The following ITPK1 variants were observed in gnomAD, a reference collection of about 807,000 sequenced individuals.
The protein encoded by ITPK1 is inositol 1,3,4-trisphosphate 5/6-kinase.
In ITPK1, 21 loss-of-function variants were observed where a neutral mutation model predicts 45.3. The observed-to-expected ratio is 0.46, with a 90% confidence interval of 0.33 to 0.67. The LOEUF (loss-of-function observed/expected upper bound fraction) is 0.67, where lower values mean the gene tolerates loss of function less well. Among genes scored for constraint, ITPK1 ranks in the 30% least tolerant of loss-of-function variants. The pLI is 0.02. For synonymous variants in ITPK1, 258 were observed against 253.6 expected (o/e 1.02, Z -0.16); for missense variants, 474 against 573.5 (o/e 0.83, Z 1.77).
chr14:92,952,696 C>T (rs1332305660), intron 8 of ITPK1, among the ~76,000 whole-genome samples: 2 of 152,224 alleles, frequency 1.3e-5, no homozygotes, highest in African/African-American at 4.8e-5. Flanking sequence ...ACACCCGGCC[C>T]GTACAGGCCC....
intron 9 of ITPK1, among the ~76,000 whole-genome samples, chr14:92,946,894 G>T (rs1887717955): frequency 6.6e-6 from 1 of 152,258 alleles, no homozygotes; most frequent in South Asian, 2.1e-4. Flanking sequence ...GATGGAGAGT[G>T]TGTCAGGGAC....
At chr14:93,047,419 T>C (rs1889822963) in intron 3 of ITPK1, among the ~76,000 whole-genome samples, 1 of 152,240 alleles carries the variant, frequency 6.6e-6, no homozygotes, top group African/African-American at 2.4e-5. Flanking sequence ...TTTGCAGATA[T>C]AATCAAATTA....
intron 2 of ITPK1, among the ~76,000 whole-genome samples, chr14:93,087,493 C>T (rs1891695268): frequency 6.6e-6 from 1 of 152,218 alleles, no homozygotes; most frequent in Non-Finnish European, 1.5e-5. Flanking sequence ...CCACTGCACT[C>T]CAGCCTGGGT....
chr14:93,092,064 A>G (rs1297917546), intron 2 of ITPK1, among the ~76,000 whole-genome samples: 1 of 152,220 alleles, frequency 6.6e-6, no homozygotes, highest in African/African-American at 2.4e-5. Context: ...TACACAGAAG[A>G]GAGCCCAAGA....
chr14:93,099,640 G>A (rs1418651778), intron 2 of ITPK1, among the ~76,000 whole-genome samples: 1 of 152,184 alleles, frequency 6.6e-6, no homozygotes, highest in African/African-American at 2.4e-5. Flanking sequence ...GCCAGATTCA[G>A]GTTTAACTGA....
intron 4 of ITPK1, among the ~76,000 whole-genome samples, chr14:93,001,108 C>G (rs907013524): frequency 6.7e-6 from 1 of 150,334 alleles, no homozygotes; most frequent in Non-Finnish European, 1.5e-5. Context: ...GCCTGGCCAA[C>G]ATGGTGAAAC....
intron 5 of ITPK1, among the ~76,000 whole-genome samples, chr14:92,969,971 G>C (rs968973534): frequency 6.6e-6 from 1 of 152,136 alleles, no homozygotes; most frequent in African/African-American, 2.4e-5. Flanking sequence ...GCTTCCACAA[G>C]TCCAGAAAGG....
chr14:92,947,330 T>C (rs1227150569), intron 9 of ITPK1, among the ~76,000 whole-genome samples: 2 of 152,170 alleles, frequency 1.3e-5, no homozygotes, highest in African/African-American at 4.8e-5. Flanking sequence ...TGCTCTGTTC[T>C]CCCTCCCAGC....
chr14:93,087,578 C>T (rs1466781787), intron 2 of ITPK1, among the ~76,000 whole-genome samples: 4 of 152,174 alleles, frequency 2.6e-5, no homozygotes, highest in African/African-American at 4.8e-5. Flanking sequence ...ACCCTTTTAC[C>T]ATGTAAGGCA....
Position 92,983,820 on chromosome 14 carries a change from T to TAA in ITPK1, c.364+10058_364+10059dup, listed in dbSNP as rs11444691. 1.6e-3 allele frequency among the ~76,000 whole-genome samples: 231 copies of TAA among 148,328 alleles called. 6 individuals carry two copies. In the Middle Eastern group the frequency reaches 0.032, roughly 20 times the overall value. On this transcript the variant is annotated intron_variant, in intron 5 of 10. Transcript: ENST00000267615. ...GCTGTTTACTGCAGCCCAGTTTGTT[T>TAA]AAAAAAAAAAAATCCAAACAAGACT...
At chr14:93,029,888 CG>C (rs1357016868) in intron 3 of ITPK1, among the ~76,000 whole-genome samples, 1 of 152,182 alleles carries the variant, frequency 6.6e-6, no homozygotes, top group Non-Finnish European at 1.5e-5. Context: ...AGATTGTCTT[CG>C]GTGCACCACA....
chr14:93,100,535 A>AGG (rs1256474149), intron 2 of ITPK1, among the ~76,000 whole-genome samples: 1 of 149,696 alleles, frequency 6.7e-6, no homozygotes, highest in Admixed American at 6.7e-5. Context: ...GGGAGAGAGG[A>AGG]GGGAGAGAGA....
intron 3 of ITPK1, among the ~76,000 whole-genome samples, chr14:93,061,581 A>G (rs565066185): frequency 6.6e-6 from 1 of 152,374 alleles, no homozygotes; most frequent in South Asian, 2.1e-4. Flanking sequence ...GTGATAACAC[A>G]GCATTCAAAT....
chr14:93,006,882 C>T (rs1445321846), intron 4 of ITPK1, among the ~76,000 whole-genome samples: 1 of 152,264 alleles, frequency 6.6e-6, no homozygotes, highest in Non-Finnish European at 1.5e-5. Flanking sequence ...CCAGATTTCA[C>T]ACCAAACTTT....
intron 9 of ITPK1, among the ~76,000 whole-genome samples, chr14:92,948,779 G>A (rs899719977): frequency 6.6e-6 from 1 of 152,152 alleles, no homozygotes; most frequent in Non-Finnish European, 1.5e-5. Context: ...GCGCTGAGCA[G>A]GGACCCACGC....
intron 5 of ITPK1, among the ~76,000 whole-genome samples, chr14:92,974,516 C>T (rs1738678352): frequency 6.6e-6 from 1 of 152,150 alleles, no homozygotes; most frequent in Admixed American, 6.5e-5. Context: ...ACCTCAAGGG[C>T]CTTGGGCAGG....
At chr14:92,975,433 G>T (rs995703820) in intron 5 of ITPK1, among the ~76,000 whole-genome samples, 3 of 151,858 alleles carry the variant, frequency 2.0e-5, no homozygotes, top group African/African-American at 7.3e-5. Flanking sequence ...CAGGGACTAT[G>T]CCTGCCTTGC....
intron 3 of ITPK1, among the ~76,000 whole-genome samples, chr14:93,024,362 A>C (rs1888624199): frequency 6.6e-6 from 1 of 152,146 alleles, no homozygotes; most frequent in South Asian, 2.1e-4. Flanking sequence ...AGCCTGGGGA[A>C]GGGCACATCC....
In ITPK1 at chr14:92,941,740, T is replaced by C; in HGVS notation, c.1066A>G (p.Ser356Gly). The part of the protein sequence containing the change: ...AGGLVGERTC[S>G]ASPGCCGSMM... Reference sequence around the variant, plus strand: ...CTGCCGCAGCAGCCGGGGCTGGCGCTGCATGTCCGCTCGCCCACCAGGCCG... The same window carrying C: ...CTGCCGCAGCAGCCGGGGCTGGCGCCGCATGTCCGCTCGCCCACCAGGCCG... The change falls in exon 11 of 11, where the codon AGC (serine) becomes GGC (glycine). Residue 356 changes from serine (S) to glycine (G), a missense_variant. Ser to Gly is a moderately conservative substitution (Grantham distance 56). Around this residue, in one of 2 missense-constraint regions of ITPK1, gnomAD observed 107 missense variants for 92.9 expected, o/e 1.15. Coordinates refer to ENST00000267615, the MANE Select transcript of ITPK1 (RefSeq NM_014216.6). 1.9e-6 allele frequency: 3 copies of C among 1,597,284 alleles called. No homozygotes were observed. Among genetic ancestry groups the C allele is most frequent in the Non-Finnish European group, 1.7e-6 (2 of 1,173,840 alleles).
Sources: gnomAD v4.1 joint callset for allele counts (sites outside exome capture counted in the v4.1 genomes callset) on GRCh38, gnomAD v4.1.1 for gene constraint, gnomAD v4.1.1 regional missense constraint, MANE v1.5 for transcripts, NCBI Gene and HGNC (gene_info 2026-07-23, HGNC 2026-07-21) for gene names.